COL23A1: variants seen among roughly 807,000 people sequenced by gnomAD.
COL23A1 encodes the protein collagen type XXIII alpha 1 chain, also known as collagen alpha-1(XXIII) chain.
Under a neutral mutation model 99.3 loss-of-function variants are expected in COL23A1, and 97 were observed. That is an observed-to-expected ratio of 0.98 (90% confidence interval 0.83 to 1.16). COL23A1 has a LOEUF of 1.16. Among genes scored for constraint, COL23A1 ranks in the 50% most tolerant of loss-of-function variants. The pLI is 0.00. For missense variants in COL23A1, 762 were observed against 757.4 expected (o/e 1.01, Z -0.07); for synonymous variants, 320 against 308.2 (o/e 1.04, Z -0.40).
intron 5 of COL23A1, among the ~76,000 whole-genome samples, chr5:178,273,326 C>T (rs1428428685): frequency 6.6e-6 from 1 of 152,258 alleles, no homozygotes; most frequent in Non-Finnish European, 1.5e-5. Context: ...GAGCTGGACG[C>T]TGCCCTCTGT....
At chr5:178,458,883 C>T (rs985095558) in intron 2 of COL23A1, among the ~76,000 whole-genome samples, 2 of 151,942 alleles carry the variant, frequency 1.3e-5, no homozygotes, top group Admixed American at 6.6e-5. Context: ...CTCATGCAGC[C>T]TGCAGATCTA....
At chr5:178,403,046 T>C (rs1007118793) in intron 2 of COL23A1, among the ~76,000 whole-genome samples, 5 of 142,180 alleles carry the variant, frequency 3.5e-5, no homozygotes, top group African/African-American at 1.3e-4. Flanking sequence ...GAGGTGGAGG[T>C]TGAAGTGAGC....
chr5:178,438,550 C>T (rs1766688214), intron 2 of COL23A1: 1 of 152,164 alleles, frequency 6.6e-6, no homozygotes, highest in Admixed American at 6.5e-5. Context: ...AGCTAACATG[C>T]TGGTTCCTTA....
At chr5:178,290,098 T>A (rs2973773) in intron 4 of COL23A1, among the ~76,000 whole-genome samples, 113,734 of 151,816 alleles carry the variant, frequency 0.75, 44,070 homozygotes, top group Non-Finnish European at 0.87. Context: ...CGCCTGGCTA[T>A]TTTTTGTATT....
intron 5 of COL23A1, among the ~76,000 whole-genome samples, chr5:178,272,043 C>G (rs916225118): frequency 1.3e-5 from 2 of 152,352 alleles, no homozygotes; most frequent in African/African-American, 2.4e-5. Context: ...TGGTTAGGGC[C>G]AGCTTCAGCC....
At position 178,537,061 on chromosome 5, in the gene COL23A1, G is replaced by A. The variant is rs116208780; in HGVS notation, c.361+23621C>T. ...CCTTCCAGAGACACATACGGCACTG[G>A]CCTGGGCCAGACTCCTCACACCTCT... On this transcript the variant is annotated intron_variant, in intron 2 of 28. Coordinates refer to ENST00000390654, the MANE Select transcript of COL23A1 (RefSeq NM_173465.4). Among the ~76,000 whole-genome samples the A allele has an allele frequency of 5.6e-3, 851 of 152,346 alleles. 12 individuals carry two copies. The highest frequency in any genetic ancestry group is 0.02 in the African/African-American group (817 of 41,576).
intron 11 of COL23A1, among the ~76,000 whole-genome samples, chr5:178,260,072 G>C (rs1049751930): frequency 6.6e-6 from 1 of 152,188 alleles, no homozygotes; most frequent in Non-Finnish European, 1.5e-5. Context: ...CAGAGGCTCC[G>C]TCTCCGTCAG....
chr5:178,273,424 G>C (rs1252920709), intron 5 of COL23A1, among the ~76,000 whole-genome samples: 1 of 152,248 alleles, frequency 6.6e-6, no homozygotes, highest in Non-Finnish European at 1.5e-5. Flanking sequence ...CCCCGTCCGT[G>C]ACAGAAAACC....
intron 2 of COL23A1, among the ~76,000 whole-genome samples, chr5:178,498,240 A>ATT (rs1758320854): frequency 1.5e-5 from 1 of 65,748 alleles, no homozygotes; most frequent in African/African-American, 9.2e-5. Flanking sequence ...ATATATATAT[A>ATT]TATATATATA....
At chr5:178,440,195 C>T (rs1028655533) in intron 2 of COL23A1, among the ~76,000 whole-genome samples, 1 of 152,206 alleles carries the variant, frequency 6.6e-6, no homozygotes, top group Admixed American at 6.5e-5. Context: ...AAACCACTTC[C>T]TATGGCTCAC....
intron 1 of COL23A1, among the ~76,000 whole-genome samples, chr5:178,585,404 G>GGCAC (rs148855510): frequency 7.2e-6 from 1 of 139,428 alleles, no homozygotes; most frequent in African/African-American, 2.8e-5. Context: ...CCTGACTGAT[G>GGCAC]TGTGGGTAAC....
intron 2 of COL23A1, among the ~76,000 whole-genome samples, chr5:178,456,470 G>A (rs1404435250): frequency 2.0e-5 from 3 of 152,194 alleles, no homozygotes; most frequent in Non-Finnish European, 2.9e-5. Context: ...AGGCTGAGCT[G>A]GGCGGATCAC....
In COL23A1 at chr5:178,411,902, T is replaced by A. The variant is rs140947564; in HGVS notation, c.362-104983A>T. Reference sequence around the variant, plus strand: ...TAACAATACTCTGTGCTGATGAAGATGTGTGGAAATAGAAACTTGTGTGTA... The same window carrying A: ...TAACAATACTCTGTGCTGATGAAGAAGTGTGGAAATAGAAACTTGTGTGTA... On this transcript the variant is annotated intron_variant, in intron 2 of 28. Transcript: ENST00000390654. Among the ~76,000 whole-genome samples the A allele has an allele frequency of 1.9e-3, 290 of 152,366 alleles. 1 individual carries two copies. The highest frequency in any genetic ancestry group is 6.4e-3 in the African/African-American group (267 of 41,584).
chr5:178,374,103 G>A (rs73349035), intron 2 of COL23A1, among the ~76,000 whole-genome samples: 1 of 152,192 alleles, frequency 6.6e-6, no homozygotes, highest in Admixed American at 6.5e-5. Context: ...CTCAGCACAC[G>A]CCAGCTTCTA....
intron 2 of COL23A1, among the ~76,000 whole-genome samples, chr5:178,357,134 G>C (rs1188916717): frequency 6.6e-6 from 1 of 152,224 alleles, no homozygotes; most frequent in Non-Finnish European, 1.5e-5. Context: ...TGTTCTTTCA[G>C]TATCTAATTG....
intron 8 of COL23A1, among the ~76,000 whole-genome samples, chr5:178,266,023 G>A (rs1317496324): frequency 2.6e-5 from 4 of 152,124 alleles, no homozygotes; most frequent in African/African-American, 9.7e-5. Flanking sequence ...AATGGCAATT[G>A]GAGTCTTAAG....
intron 28 of COL23A1, 135 bp downstream of exon 28, chr5:178,239,006 G>A: frequency 9.8e-7 from 1 of 1,015,326 alleles, no homozygotes; most frequent in Non-Finnish European, 1.5e-6. Flanking sequence ...GGGAAACCTG[G>A]CTATTCAGTC....
At chr5:178,353,973 A>C (rs1294836811) in intron 2 of COL23A1, among the ~76,000 whole-genome samples, 1 of 151,956 alleles carries the variant, frequency 6.6e-6, no homozygotes, top group Non-Finnish European at 1.5e-5. Flanking sequence ...ACCCCAACAA[A>C]AAACAGGGAG....
intron 2 of COL23A1, among the ~76,000 whole-genome samples, chr5:178,386,635 C>T (rs570449147): frequency 1.2e-4 from 18 of 152,168 alleles, no homozygotes; most frequent in Non-Finnish European, 1.6e-4. Flanking sequence ...TGTTTTCCTC[C>T]GTGAACTCCC....
Sources: gnomAD v4.1 joint callset for allele counts (sites outside exome capture counted in the v4.1 genomes callset) on GRCh38, gnomAD v4.1.1 for gene constraint, MANE v1.5 for transcripts, NCBI Gene and HGNC (gene_info 2026-07-23, HGNC 2026-07-21) for gene names.